The following DENND2B variants were observed in gnomAD, a reference collection of about 807,000 sequenced individuals.
The protein encoded by DENND2B is DENN domain containing 2B.
Under a neutral mutation model 116.0 loss-of-function variants are expected in DENND2B, and 32 were observed. The ratio of observed to expected loss-of-function variants is 0.28; its 90% CI spans 0.21 to 0.37. DENND2B has a LOEUF of 0.37. Among genes scored for constraint, DENND2B ranks in the 10% least tolerant of loss-of-function variants. DENND2B has a pLI of 1.00. For missense variants in DENND2B, 1,276 were observed against 1,477.7 expected, an observed-to-expected ratio of 0.86 and a Z score of 2.24; for synonymous variants, 588 against 583.9, an observed-to-expected ratio of 1.01 and a Z score of -0.10.
At chr11:8,763,530 A>G (rs1231021526) in intron 1 of DENND2B, among the ~76,000 whole-genome samples, 2 of 151,818 alleles carry the variant, frequency 1.3e-5, no homozygotes, top group African/African-American at 4.8e-5. Context: ...GGTATTTTAC[A>G]TAATGATTAC....
intron 1 of DENND2B, among the ~76,000 whole-genome samples, chr11:8,775,672 C>A (rs756022501): frequency 1.3e-5 from 2 of 152,182 alleles, no homozygotes; most frequent in African/African-American, 2.4e-5. Context: ...AGGAGGAAGA[C>A]GTCCTTGGAG....
intron 3 of DENND2B, among the ~76,000 whole-genome samples, chr11:8,847,132 C>A (rs1271422145): frequency 2.0e-5 from 3 of 152,250 alleles, no homozygotes; most frequent in Admixed American, 2.0e-4. Context: ...CAGAGTCAGT[C>A]ATTCAGCTGC....
At chr11:8,777,277 C>G (rs3850931) in intron 1 of DENND2B, among the ~76,000 whole-genome samples, 146,257 of 152,262 alleles carry the variant, frequency 0.96, 70,512 homozygotes, top group East Asian at 1. Flanking sequence ...AGGGCTACCT[C>G]GGTAAAAAAG....
intron 1 of DENND2B, among the ~76,000 whole-genome samples, chr11:8,799,083 A>G (rs1198466496): frequency 6.6e-6 from 1 of 152,076 alleles, no homozygotes. Context: ...CAGCCTCCTA[A>G]AGTGCTGGGA....
intron 1 of DENND2B, among the ~76,000 whole-genome samples, chr11:8,805,363 C>T (rs1360005130): frequency 6.6e-6 from 1 of 152,198 alleles, no homozygotes; most frequent in African/African-American, 2.4e-5. Flanking sequence ...TGTCAGAACT[C>T]CATAAGGTAG....
chr11:8,909,340 G>T (rs1407069990), intron 1 of DENND2B, among the ~76,000 whole-genome samples: 1 of 152,150 alleles, frequency 6.6e-6, no homozygotes, highest in East Asian at 1.9e-4. Context: ...CTTCAGCCTG[G>T]CTGACAGGGT....
rs192631153 is a variant in DENND2B, at chr11:8,830,252, T to A, written c.-115+9058A>T. 6.8e-3 allele frequency among the ~76,000 whole-genome samples: 1,035 copies of A among 152,278 alleles called. 10 individuals carry two copies. Among genetic ancestry groups the A allele is most frequent in the Admixed American group, 0.011 (172 of 15,298 alleles). ...ACACCTACCCCTCCAAGGTAGATCA[T>A]CGCCGTGACACTGGAGTGAACATCT... On this transcript the variant is annotated intron_variant, in intron 4 of 6. Coordinates refer to the DENND2B transcript ENST00000524757.
chr11:8,882,663 T>C (rs1445710996), intron 1 of DENND2B, among the ~76,000 whole-genome samples: 1 of 152,222 alleles, frequency 6.6e-6, no homozygotes, highest in Admixed American at 6.5e-5. Flanking sequence ...AGTTTCAAAA[T>C]GCATCTATGG....
chr11:8,823,954 G>A (rs1289847622), intron 4 of DENND2B, among the ~76,000 whole-genome samples: 1 of 146,366 alleles, frequency 6.8e-6, no homozygotes, highest in Non-Finnish European at 1.5e-5. Flanking sequence ...CCAGGCTGGA[G>A]TGCAGTGGCG....
chr11:8,717,270 G>T (rs189888187), intron 5 of DENND2B, among the ~76,000 whole-genome samples: 1 of 152,238 alleles, frequency 6.6e-6, no homozygotes, highest in East Asian at 1.9e-4. Flanking sequence ...ACACCTGTCT[G>T]GCTCTCCAAA....
intron 2 of DENND2B, among the ~76,000 whole-genome samples, chr11:8,748,484 T>C (rs974460027): frequency 3.3e-5 from 5 of 151,928 alleles, no homozygotes. Context: ...TGGCCAGGGG[T>C]GAAGGCAGCC....
chr11:8,754,523 A>G (rs769815889), intron 1 of DENND2B, among the ~76,000 whole-genome samples: 78 of 152,364 alleles, frequency 5.1e-4, no homozygotes, highest in Non-Finnish European at 1.0e-3. Flanking sequence ...AGTTCCTCAA[A>G]AAGTTATACT....
intron 2 of DENND2B, among the ~76,000 whole-genome samples, chr11:8,749,429 T>C (rs1420029531): frequency 6.6e-6 from 1 of 152,206 alleles, no homozygotes; most frequent in East Asian, 1.9e-4. Flanking sequence ...CTTGGCTAAG[T>C]CCCAGGATCT....
In DENND2B at chr11:8,726,704, T is replaced by G. The variant is rs183140461; in HGVS notation, c.1341-495A>C. 1.5e-3 allele frequency among the ~76,000 whole-genome samples: 231 copies of G among 152,348 alleles called. 1 individual carries two copies. In the Middle Eastern group the frequency reaches 0.034, roughly 22 times the overall value. ...TTCCACTGGAATTGAGTGCCTGGTC[T>G]GCCTCTGGAGTCTCACATCCTCATC... On this transcript the variant is annotated intron_variant, in intron 3 of 19. Coordinates refer to ENST00000313726, the MANE Select transcript of DENND2B (RefSeq NM_213618.2).
chr11:8,867,259 T>G (rs1197605331), intron 2 of DENND2B, among the ~76,000 whole-genome samples: 2 of 152,190 alleles, frequency 1.3e-5, no homozygotes, highest in African/African-American at 2.4e-5. Context: ...CCTGAGCCCA[T>G]TATCTGCCGA....
At chr11:8,817,364 G>A (rs1472163887) in intron 4 of DENND2B, among the ~76,000 whole-genome samples, 1 of 152,114 alleles carries the variant, frequency 6.6e-6, no homozygotes, top group Non-Finnish European at 1.5e-5. Flanking sequence ...CATCTGGCAG[G>A]ACCTGCACAG....
Position 8,718,498 on chromosome 11 carries a change from A to G in DENND2B, c.1478-606T>C. 4 of 1,466,578 alleles carry G rather than the reference A, an allele frequency of 2.7e-6. No individual in the cohort carries two copies. The South Asian group carries it at 5.5e-5, about 20-fold the overall frequency. 90.8% of individuals were successfully genotyped at this position (1,466,578 alleles called of 1,614,324 possible). ...TTCACTGAGGCAACCTCGGAACGGA[A>G]CAGTGATTAGCAAGGAGGAAGTGTT... On this transcript the variant is annotated intron_variant, in intron 4 of 19. Transcript: ENST00000313726.
chr11:8,797,343 T>C (rs140194659), intron 1 of DENND2B, among the ~76,000 whole-genome samples: 48 of 152,310 alleles, frequency 3.2e-4, no homozygotes, highest in African/African-American at 4.8e-4. Flanking sequence ...CCAAGAAGTA[T>C]GCAGACTATA....
At chr11:8,820,981 G>C (rs1225217338) in intron 4 of DENND2B, among the ~76,000 whole-genome samples, 1 of 151,950 alleles carries the variant, frequency 6.6e-6, no homozygotes, top group Non-Finnish European at 1.5e-5. Context: ...AATTAGCCAG[G>C]CATGATGGCG....
Sources: allele counts gnomAD v4.1 joint callset (sites outside exome capture counted in the v4.1 genomes callset), GRCh38; gene constraint gnomAD v4.1.1; transcripts MANE v1.5; gene names NCBI Gene and HGNC (gene_info 2026-07-23, HGNC 2026-07-21).